The following PTPN1 variants were observed in gnomAD, a reference collection of about 807,000 sequenced individuals.
The protein encoded by PTPN1 is tyrosine-protein phosphatase non-receptor type 1.
In PTPN1, 12 loss-of-function variants were observed where a neutral mutation model predicts 59.9. The observed-to-expected ratio is 0.20, with a 90% CI of 0.13 to 0.32. The LOEUF is 0.32. Ranked by LOEUF, PTPN1 falls within the 10% of genes least tolerant of loss-of-function variation. PTPN1 has a pLI of 1.00. For synonymous variants in PTPN1, 178 were observed against 203.6 expected, an observed-to-expected ratio of 0.87 and a Z score of 1.07; for missense variants, 356 against 549.2, an observed-to-expected ratio of 0.65 and a Z score of 3.52.
chr20:50,540,736 CAA>C (rs1309724718), intron 1 of PTPN1, among the ~76,000 whole-genome samples: 1 of 152,188 alleles, frequency 6.6e-6, no homozygotes, highest in Non-Finnish European at 1.5e-5. Flanking sequence ...GCCAAGTACT[CAA>C]GAGTCCAGCC....
chr20:50,563,319 A>G (rs1421261434), intron 2 of PTPN1, among the ~76,000 whole-genome samples: 1 of 152,162 alleles, frequency 6.6e-6, no homozygotes, highest in African/African-American at 2.4e-5. Context: ...TGCCCAGCTC[A>G]CAGTGCTGCT....
chr20:50,552,567 G>T (rs1050998503), intron 1 of PTPN1, among the ~76,000 whole-genome samples: 1 of 152,126 alleles, frequency 6.6e-6, no homozygotes, highest in Non-Finnish European at 1.5e-5. Context: ...AGTGGCTCAT[G>T]CCTGTAATCT....
Position 50,536,898 on chromosome 20 carries a change from AAAAGT to A in PTPN1, c.64-24461_64-24457del, listed in dbSNP as rs376087677. ...TTTCATGTTTACTGTAGAAAACAAA[AAAAGT>A]AAAATTTTTCTTTATTCCTATCACT... On this transcript the variant is annotated intron_variant, in intron 1 of 9. Transcript: ENST00000371621. 2.9e-4 allele frequency among the ~76,000 whole-genome samples: 44 copies of A among 152,302 alleles called. No homozygotes were observed. In the East Asian group the frequency reaches 7.5e-3, roughly 26 times the overall value.
chr20:50,524,016 C>T (rs943502023), intron 1 of PTPN1, among the ~76,000 whole-genome samples: 10 of 152,126 alleles, frequency 6.6e-5, no homozygotes, highest in Admixed American at 5.2e-4. Flanking sequence ...TCTGCTACCC[C>T]CTCACACAAT....
chr20:50,541,957 G>A lies in PTPN1; in HGVS notation c.64-19406G>A, dbSNP rs138768694. On this transcript the variant is annotated intron_variant, in intron 1 of 9. Transcript: ENST00000371621. ...CTCGTTTTTACTAGCCAACCTTGAT[G>A]TTTTTCCCTTCTTCCTGTAGAATAG... is the stretch of plus-strand genomic sequence containing the variant. 3.8e-3 allele frequency among the ~76,000 whole-genome samples: 584 copies of A among 152,298 alleles called. 4 individuals are homozygous for A. The highest frequency in any genetic ancestry group is 0.017 in the Admixed American group (257 of 15,296).
At chr20:50,525,669 A>G (rs1023796471) in intron 1 of PTPN1, among the ~76,000 whole-genome samples, 2 of 151,914 alleles carry the variant, frequency 1.3e-5, no homozygotes, top group Admixed American at 6.5e-5. Context: ...AATCATTTAA[A>G]CGTCTGAAAG....
chr20:50,524,119 C>G (rs1385268132), intron 1 of PTPN1, among the ~76,000 whole-genome samples: 2 of 152,132 alleles, frequency 1.3e-5, no homozygotes, highest in Admixed American at 1.3e-4. Flanking sequence ...GCCATATGGC[C>G]TCTAAACGCT....
At chr20:50,518,808 T>G (rs1601385191) in intron 1 of PTPN1, among the ~76,000 whole-genome samples, 1 of 152,132 alleles carries the variant, frequency 6.6e-6, no homozygotes, top group African/African-American at 2.4e-5. Context: ...GGGGCCAAGA[T>G]CAGAAAGTTA....
rs1328987907 is a variant in PTPN1, at chr20:50,579,727, G to A, written c.889G>A (p.Glu297Lys). Residue 297 changes from glutamate to lysine, a missense_variant, in exon 8 of 10, where the codon GAG becomes AAG. Around this residue, in one of 3 missense-constraint regions of PTPN1, gnomAD observed 100 missense variants for 107.7 expected, o/e 0.93. Transcript: ENST00000371621. Reference sequence around the variant, plus strand: ...GGATCAGTGGAAGGAGCTTTCCCACGAGGACCTGGAGCCCCCACCCGAGCA... The same window carrying A: ...GGATCAGTGGAAGGAGCTTTCCCACAAGGACCTGGAGCCCCCACCCGAGCA... ...VQDQWKELSHEDLEPPPEHIP... is the reference protein window; with the variant it reads ...VQDQWKELSHKDLEPPPEHIP... The A allele has an allele frequency of 5.6e-6, 9 of 1,612,514 alleles. No individual in the cohort carries two copies. Among genetic ancestry groups the A allele is most frequent in the Non-Finnish European group, 7.6e-6 (9 of 1,179,858 alleles).
At chr20:50,549,438 C>T (rs760469430) in intron 1 of PTPN1, among the ~76,000 whole-genome samples, 1 of 152,140 alleles carries the variant, frequency 6.6e-6, no homozygotes, top group Non-Finnish European at 1.5e-5. Flanking sequence ...TTTCCAAGTG[C>T]ACATAATTGT....
chr20:50,566,298 A>G (rs1178591168), intron 3 of PTPN1, among the ~76,000 whole-genome samples: 1 of 152,028 alleles, frequency 6.6e-6, no homozygotes, highest in African/African-American at 2.4e-5. Flanking sequence ...CAGCCCTTCA[A>G]CTCTGGTATG....
chr20:50,572,291 A>C (rs77051237), intron 4 of PTPN1: 1 of 152,354 alleles, frequency 6.6e-6, no homozygotes, highest in African/African-American at 2.4e-5. Flanking sequence ...CGTATATATC[A>C]ATGTAATAGG....
At chr20:50,565,218 C>T (rs2082773323) in intron 3 of PTPN1, 149 bp downstream of exon 3, 2 of 777,096 alleles carry the variant, frequency 2.6e-6, no homozygotes, top group Non-Finnish European at 4.0e-6. Flanking sequence ...AAAAATCATC[C>T]TTCAAAGGTT....
intron 1 of PTPN1, among the ~76,000 whole-genome samples, chr20:50,531,885 CAT>C (rs1011267113): frequency 1.6e-4 from 25 of 152,198 alleles, no homozygotes; most frequent in African/African-American, 6.0e-4. Context: ...CAATTACTGA[CAT>C]GTGGGATCTT....
At position 50,583,145 on chromosome 20, in the gene PTPN1, ATAGTGCAC is replaced by A. The variant is rs1264780168; in HGVS notation, c.*434_*441del. 1 of 179,514 alleles carries A rather than the reference ATAGTGCAC, an allele frequency of 5.6e-6. No homozygotes were observed. The highest frequency in any genetic ancestry group is 1.5e-4 in the East Asian group (1 of 6,776). The allele number at this position is 179,514 out of a possible 1,614,324, so 11.1% of individuals were successfully genotyped here. A position where few individuals can be genotyped will look rare whatever the true frequency, so the allele number is the denominator to read the frequency against. On this transcript the variant is annotated 3_prime_UTR_variant, in exon 10 of 10. Coordinates refer to ENST00000371621, the MANE Select transcript of PTPN1 (RefSeq NM_002827.4). ...AACAATTTTTTCCCCAAAGGCATCC[ATAGTGCAC>A]TAGCATTTTCTTGAACCAATAATGT...
intron 1 of PTPN1, among the ~76,000 whole-genome samples, chr20:50,526,535 G>C (rs184135650): frequency 5.2e-4 from 79 of 152,156 alleles, no homozygotes; most frequent in African/African-American, 1.9e-3. Flanking sequence ...CATGTCCCAG[G>C]GAACTTCCTG....
At chr20:50,571,084 T>C (rs1378356215) in intron 4 of PTPN1, 1 of 152,230 alleles carries the variant, frequency 6.6e-6, no homozygotes, top group Non-Finnish European at 1.5e-5. Flanking sequence ...CAAGGAGTGG[T>C]GTCCAGCGCT....
chr20:50,519,201 G>GT (rs1462081012), intron 1 of PTPN1, among the ~76,000 whole-genome samples: 6 of 152,090 alleles, frequency 3.9e-5, no homozygotes, highest in Non-Finnish European at 8.8e-5. Context: ...CAGTGGTATT[G>GT]GTAGGTTCTG....
intron 1 of PTPN1, 32 bp from the exon 2 acceptor site, chr20:50,561,331 G>A (rs764760634): frequency 4.0e-6 from 6 of 1,495,128 alleles, no homozygotes; most frequent in African/African-American, 2.8e-5. Flanking sequence ...AGTGTCTGAC[G>A]GTCAGTTAAA....
Sources: gnomAD v4.1 joint callset for allele counts (sites outside exome capture counted in the v4.1 genomes callset) on GRCh38, gnomAD v4.1.1 for gene constraint, gnomAD v4.1.1 regional missense constraint, MANE v1.5 for transcripts, NCBI Gene and HGNC (gene_info 2026-07-23, HGNC 2026-07-21) for gene names.